The following ANTXR1 variants were observed in gnomAD, a reference collection of about 807,000 sequenced individuals.
ANTXR1 encodes the protein anthrax toxin receptor 1.
In ANTXR1, 19 loss-of-function variants were observed where a neutral mutation model predicts 78.1. That is an observed-to-expected ratio of 0.24 (90% CI 0.17 to 0.36). The LOEUF is 0.36. Among genes scored for constraint, ANTXR1 ranks in the 10% least tolerant of loss-of-function variants. The probability of loss-of-function intolerance (pLI) is 1.00; values close to 1 mark genes in which losing one functional copy is unlikely to be tolerated. For synonymous variants in ANTXR1, 273 were observed against 260.5 expected (o/e 1.05, Z -0.46); for missense variants, 518 against 718.6 (o/e 0.72, Z 3.19).
chr2:69,142,327 T>C (rs544412868), intron 12 of ANTXR1, among the ~76,000 whole-genome samples: 1 of 152,358 alleles, frequency 6.6e-6, no homozygotes, highest in East Asian at 1.9e-4. Flanking sequence ...TTGAAGGGCA[T>C]TTAGTGGCAA....
intron 12 of ANTXR1, among the ~76,000 whole-genome samples, chr2:69,142,833 G>A (rs931083918): frequency 3.3e-5 from 5 of 152,266 alleles, no homozygotes; most frequent in East Asian, 3.9e-4. Flanking sequence ...GAGGAGGGAG[G>A]GGGAGGTGCT....
At chr2:69,102,771 TA>T in intron 9 of ANTXR1, 70 bp from the exon 10 acceptor site, 2 of 1,433,254 alleles carry the variant, frequency 1.4e-6, no homozygotes, top group African/African-American at 1.4e-5. Flanking sequence ...ACAAATGCTC[TA>T]AATCAGGGCA....
At chr2:69,194,830 G>A (rs185942175) in intron 17 of ANTXR1, among the ~76,000 whole-genome samples, 7 of 151,430 alleles carry the variant, frequency 4.6e-5, no homozygotes, top group African/African-American at 1.2e-4. Flanking sequence ...CAGCCTGGGC[G>A]ACAGAATGAG....
chr2:69,082,058 A>G (rs1670914322), intron 8 of ANTXR1, among the ~76,000 whole-genome samples: 1 of 152,250 alleles, frequency 6.6e-6, no homozygotes, highest in South Asian at 2.1e-4. Context: ...CAGGCAGGCC[A>G]GGAAGTAGCT....
intron 16 of ANTXR1, among the ~76,000 whole-genome samples, chr2:69,191,813 T>C (rs1309827895): frequency 6.6e-6 from 1 of 152,256 alleles, no homozygotes; most frequent in Non-Finnish European, 1.5e-5. Context: ...AGAAAGCATA[T>C]GTGATTTGGA....
At position 69,247,096 on chromosome 2, in the gene ANTXR1, G is replaced by C. The variant is rs546044217; in HGVS notation, c.*1611G>C. On this transcript the variant is annotated 3_prime_UTR_variant, in exon 18 of 18. Coordinates refer to ENST00000303714, the MANE Select transcript of ANTXR1 (RefSeq NM_032208.3). ...AATACCAATTTTTGTGGCCATGGCA[G>C]ACATTGCTAATCAATCACAGCACTA... 4 of 152,652 alleles carry C rather than the reference G, an allele frequency of 2.6e-5. No homozygotes were observed. The East Asian group carries it at 7.7e-4, about 29-fold the overall frequency. 9.5% of individuals were successfully genotyped at this position (152,652 alleles called of 1,614,324 possible).
At chr2:69,234,476 CCATT>C (rs1340609203) in intron 17 of ANTXR1, among the ~76,000 whole-genome samples, 1 of 152,090 alleles carries the variant, frequency 6.6e-6, no homozygotes, top group East Asian at 1.9e-4. Flanking sequence ...ATGTCAGGCA[CCATT>C]CAAAGTTATT....
chr2:69,131,007 T>C (rs1397343368), intron 12 of ANTXR1, among the ~76,000 whole-genome samples: 5 of 152,168 alleles, frequency 3.3e-5, no homozygotes, highest in African/African-American at 9.7e-5. Context: ...AATAGTAACA[T>C]AGGGAAATAT....
rs1487141610 is a variant in ANTXR1, at chr2:69,088,367, T to C, written c.643-2492T>C. Among the ~76,000 whole-genome samples, 4 of 152,340 alleles carry C rather than the reference T, an allele frequency of 2.6e-5. 1 individual carries two copies. The South Asian group carries it at 6.2e-4, about 24-fold the overall frequency. On this transcript the variant is annotated intron_variant, in intron 8 of 17. Transcript: ENST00000303714. Reference sequence around the variant, plus strand: ...AATTCTTGGACTGTTTTGAAGTCTTTAGTTTTGGATGATAAAATGATTTAT... The same window carrying C: ...AATTCTTGGACTGTTTTGAAGTCTTCAGTTTTGGATGATAAAATGATTTAT...
intron 16 of ANTXR1, chr2:69,182,863 T>A (rs1674312535): frequency 1.5e-6 from 1 of 670,276 alleles, no homozygotes; most frequent in Admixed American, 2.7e-5. Context: ...CTAGGCTTTT[T>A]AAAAATCACC....
rs59914010 is a variant in ANTXR1, at chr2:69,179,524, C to CAAAA, written c.1090-2250_1090-2247dup. Among the ~76,000 whole-genome samples, 135 of 135,874 alleles carry CAAAA rather than the reference C, an allele frequency of 9.9e-4. 2 individuals carry two copies. Among genetic ancestry groups the CAAAA allele is most frequent in the African/African-American group, 3.4e-3 (130 of 37,772 alleles). The allele number at this position is 135,874 out of a possible 152,430, so 89.1% of individuals were successfully genotyped here. A position where few individuals can be genotyped will look rare whatever the true frequency, so the allele number is the denominator to read the frequency against. The stretch of plus-strand genomic sequence containing the variant: ...GGGTGACAGAGTGAGACCCTGTCTC[C>CAAAA]AAAAAAAAAAAAAAATTATCAAAAT... On this transcript the variant is annotated intron_variant, in intron 14 of 17. Transcript: ENST00000303714.
At chr2:69,169,424 T>A (rs1673916857) in intron 13 of ANTXR1, among the ~76,000 whole-genome samples, 1 of 152,216 alleles carries the variant, frequency 6.6e-6, no homozygotes, top group African/African-American at 2.4e-5. Flanking sequence ...CTAAATCCAT[T>A]TAACGGTGAG....
At chr2:69,204,536 C>G (rs1423144739) in intron 17 of ANTXR1, among the ~76,000 whole-genome samples, 1 of 152,178 alleles carries the variant, frequency 6.6e-6, no homozygotes, top group African/African-American at 2.4e-5. Flanking sequence ...ACTTTATCCT[C>G]TTTTTAATAT....
chr2:69,134,402 C>T (rs1672853709), intron 12 of ANTXR1, among the ~76,000 whole-genome samples: 1 of 152,084 alleles, frequency 6.6e-6, no homozygotes, highest in Non-Finnish European at 1.5e-5. Context: ...CTCAAAGGAA[C>T]AGTTTCTGGC....
At chr2:69,196,871 C>G (rs558984523) in intron 17 of ANTXR1, among the ~76,000 whole-genome samples, 2 of 152,320 alleles carry the variant, frequency 1.3e-5, no homozygotes, top group Non-Finnish European at 2.9e-5. Flanking sequence ...CATCCTCCCC[C>G]CAGCTACTCC....
At chr2:69,179,103 G>A (rs981703332) in intron 14 of ANTXR1, among the ~76,000 whole-genome samples, 14 of 152,136 alleles carry the variant, frequency 9.2e-5, no homozygotes, top group Non-Finnish European at 1.5e-4. Flanking sequence ...CACCTCCAAT[G>A]TAAAGTTTAA....
At chr2:69,116,354 A>G (rs1053228372) in intron 10 of ANTXR1, among the ~76,000 whole-genome samples, 4 of 152,254 alleles carry the variant, frequency 2.6e-5, no homozygotes, top group African/African-American at 9.6e-5. Context: ...AATTTCACCA[A>G]CTTGGAGTCC....
At chr2:69,210,710 T>G (rs2104497633) in intron 17 of ANTXR1, among the ~76,000 whole-genome samples, 1 of 151,820 alleles carries the variant, frequency 6.6e-6, no homozygotes, top group African/African-American at 2.4e-5. Flanking sequence ...CCGACAGGGG[T>G]GGATCACTTG....
At chr2:69,172,668 C>A in intron 14 of ANTXR1, 1 of 564,556 alleles carries the variant, frequency 1.8e-6, no homozygotes, top group Non-Finnish European at 2.4e-6. Context: ...AATAACTAAA[C>A]TTAGAGAATG....
Sources: gnomAD v4.1 joint callset for allele counts (sites outside exome capture counted in the v4.1 genomes callset) on GRCh38, gnomAD v4.1.1 for gene constraint, MANE v1.5 for transcripts, NCBI Gene and HGNC (gene_info 2026-07-23, HGNC 2026-07-21) for gene names.